SETBP1: variants seen among roughly 807,000 people sequenced by gnomAD.
The protein encoded by SETBP1 is SET-binding protein.
Under a neutral mutation model 101.0 loss-of-function variants are expected in SETBP1, and 9 were observed. The ratio of observed to expected loss-of-function variants is 0.09; its 90% confidence interval spans 0.05 to 0.16. The LOEUF (loss-of-function observed/expected upper bound fraction) is 0.16, where lower values mean the gene tolerates loss of function less well. Ranked by LOEUF, SETBP1 falls within the 10% of genes least tolerant of loss-of-function variation. The probability of loss-of-function intolerance (pLI) is 1.00; values close to 1 mark genes in which losing one functional copy is unlikely to be tolerated. For synonymous variants in SETBP1, 818 were observed against 788.5 expected (o/e 1.04, Z -0.63); for missense variants, 1,858 against 2,033.8 (o/e 0.91, Z 1.66).
At chr18:44,885,867 A>AAAAAAAAAAAAAAAAAAAAAAAAAG (rs2069634945) in intron 3 of SETBP1, among the ~76,000 whole-genome samples, 1 of 138,250 alleles carries the variant, frequency 7.2e-6, no homozygotes, top group African/African-American at 2.7e-5. Context: ...CAAAAAAAAA[A>AAAAAAAAAAAAAAAAAAAAAAAAAG]ACAAGGTGAC....
intron 3 of SETBP1, among the ~76,000 whole-genome samples, chr18:44,918,845 C>T (rs963723536): frequency 1.3e-5 from 2 of 152,202 alleles, no homozygotes; most frequent in African/African-American, 2.4e-5. Flanking sequence ...CTGGGATGGA[C>T]CCCACAAATG....
At chr18:44,959,480 T>G (rs998553992) in intron 4 of SETBP1, among the ~76,000 whole-genome samples, 9 of 152,224 alleles carry the variant, frequency 5.9e-5, no homozygotes, top group African/African-American at 2.2e-4. Context: ...ATGCCTAGTA[T>G]GTATAAGGCT....
chr18:44,841,523 T>C (rs1003248418), intron 2 of SETBP1, among the ~76,000 whole-genome samples: 4 of 152,206 alleles, frequency 2.6e-5, no homozygotes, highest in African/African-American at 9.6e-5. Context: ...AAAGAATTTG[T>C]GGACTTATTT....
intron 2 of SETBP1, among the ~76,000 whole-genome samples, chr18:44,803,210 A>C (rs2071645266): frequency 6.6e-6 from 1 of 152,146 alleles, no homozygotes; most frequent in African/African-American, 2.4e-5. Flanking sequence ...CAGGCCATTA[A>C]ACTATGTTAA....
At chr18:44,804,108 G>GA (rs933071326) in intron 2 of SETBP1, among the ~76,000 whole-genome samples, 4 of 151,770 alleles carry the variant, frequency 2.6e-5, no homozygotes, top group Admixed American at 2.0e-4. Context: ...ACATGATTTT[G>GA]AAAAAAGAGA....
rs74540261 is a variant in SETBP1, at chr18:44,774,722, C to T, written c.486+72890C>T. On this transcript the variant is annotated intron_variant, in intron 2 of 5. Transcript: ENST00000649279. ...CTGGAAAATATTCTTCAACCTCAGC[C>T]CGAAAATAGTTATACAGTCTGGAAG... 2.9e-3 allele frequency among the ~76,000 whole-genome samples: 434 copies of T among 152,178 alleles called. 2 individuals carry two copies. Among genetic ancestry groups the T allele is most frequent in the African/African-American group, 9.9e-3 (411 of 41,520 alleles).
chr18:44,702,290 G>A (rs1221140885), intron 2 of SETBP1, among the ~76,000 whole-genome samples: 3 of 152,114 alleles, frequency 2.0e-5, no homozygotes, highest in Admixed American at 2.0e-4. Context: ...GGTGGCAGAG[G>A]CAGAAGAAAA....
At chr18:44,785,992 C>T (rs1363526195) in intron 2 of SETBP1, among the ~76,000 whole-genome samples, 1 of 152,142 alleles carries the variant, frequency 6.6e-6, no homozygotes, top group African/African-American at 2.4e-5. Context: ...TGCTGTTCCC[C>T]TCTGTTTTTA....
Position 44,950,846 on chromosome 18 carries a change from G to A in SETBP1, c.1506G>A (p.Met502Ile). The A allele has an allele frequency of 6.2e-7, 1 of 1,614,134 alleles. No homozygotes were observed. Among genetic ancestry groups the A allele is most frequent in the Non-Finnish European group, 8.5e-7 (1 of 1,180,018 alleles). The change falls in exon 4 of 6, where the codon ATG becomes ATA. Residue 502 changes from methionine (M) to isoleucine (I), a missense_variant. This residue lies in a region of SETBP1 where 581 missense variants were observed against 535.1 expected (regional missense o/e 1.09). Transcript: ENST00000649279. ...TGTCTAAGCCGCGGAAGCCACCCATGGTCATGACACCTCCAACGTGCACAG... is the reference window on the plus strand; with the variant it reads ...TGTCTAAGCCGCGGAAGCCACCCATAGTCATGACACCTCCAACGTGCACAG... ...GGVSKPRKPP[M>I]VMTPPTCTDH...
chr18:44,953,615 A>G lies in SETBP1; in HGVS notation c.4000+275A>G, dbSNP rs144294279. Among the ~76,000 whole-genome samples, 14 of 152,306 alleles carry G rather than the reference A, an allele frequency of 9.2e-5. No individual in the cohort carries two copies. The East Asian group carries it at 2.7e-3, about 29-fold the overall frequency. ...GGCTGCAGTCGTGCCCACTATGGTT[A>G]TGCTTTTTATTAAAGATGCTGTTCT... On this transcript the variant is annotated intron_variant, in intron 4 of 5. Transcript: ENST00000649279.
At chr18:44,996,397 G>C (rs2072499417) in intron 4 of SETBP1, among the ~76,000 whole-genome samples, 2 of 152,234 alleles carry the variant, frequency 1.3e-5, no homozygotes, top group Non-Finnish European at 2.9e-5. Context: ...CATCTGGGCA[G>C]AGCCAGCTTT....
At position 44,741,526 on chromosome 18, in the gene SETBP1, T is replaced by C. The variant is rs57782569; in HGVS notation, c.486+39694T>C. On this transcript the variant is annotated intron_variant, in intron 2 of 5. Transcript: ENST00000649279. ...GATGCTGAAGATCTATTTTTTACCATCATCTTTCTTACTGTTATTATTTAT... is the reference window on the plus strand; with the variant it reads ...GATGCTGAAGATCTATTTTTTACCACCATCTTTCTTACTGTTATTATTTAT... Among the ~76,000 whole-genome samples the C allele has an allele frequency of 5.0e-3, 754 of 152,240 alleles. 8 individuals are homozygous for C. The highest frequency in any genetic ancestry group is 0.017 in the African/African-American group (718 of 41,508).
At chr18:44,949,273 CT>C (rs758690265) in intron 3 of SETBP1, among the ~76,000 whole-genome samples, 30 of 152,302 alleles carry the variant, frequency 2.0e-4, no homozygotes, top group Middle Eastern at 6.8e-3. Context: ...GCTGTTTTTA[CT>C]GGTTACAGTG....
chr18:44,929,837 T>C (rs1220581585), intron 3 of SETBP1, among the ~76,000 whole-genome samples: 1 of 152,232 alleles, frequency 6.6e-6, no homozygotes, highest in African/African-American at 2.4e-5. Context: ...GATTTTGGGC[T>C]GAGATGATGG....
At chr18:44,720,899 CA>C (rs1324481718) in intron 2 of SETBP1, among the ~76,000 whole-genome samples, 4 of 116,758 alleles carry the variant, frequency 3.4e-5, no homozygotes, top group Admixed American at 8.4e-5. Flanking sequence ...TGGAGCCCTC[CA>C]ACCCCCACCC....
intron 2 of SETBP1, among the ~76,000 whole-genome samples, chr18:44,735,754 C>T (rs879289288): frequency 5.9e-5 from 9 of 152,180 alleles, no homozygotes; most frequent in Non-Finnish European, 1.2e-4. Context: ...CCTACGCCTA[C>T]TAGTAGTCCA....
chr18:44,931,429 G>C (rs956583793), intron 3 of SETBP1, among the ~76,000 whole-genome samples: 2 of 152,158 alleles, frequency 1.3e-5, no homozygotes, highest in Non-Finnish European at 2.9e-5. Flanking sequence ...ATTTGGGGTG[G>C]AGACTTCTGT....
intron 2 of SETBP1, among the ~76,000 whole-genome samples, chr18:44,825,692 T>C (rs563268857): frequency 7.2e-5 from 11 of 152,248 alleles, no homozygotes; most frequent in Non-Finnish European, 1.0e-4. Context: ...AGTAGTTTTA[T>C]GGATGATGCA....
At chr18:44,845,063 G>A (rs1289032292) in intron 2 of SETBP1, among the ~76,000 whole-genome samples, 1 of 152,198 alleles carries the variant, frequency 6.6e-6, no homozygotes, top group Non-Finnish European at 1.5e-5. Context: ...TGACACAAAA[G>A]AGTGATATGT....
Sources: allele counts gnomAD v4.1 joint callset (sites outside exome capture counted in the v4.1 genomes callset), GRCh38; gene constraint gnomAD v4.1.1; regional missense constraint gnomAD v4.1.1; transcripts MANE v1.5; gene names NCBI Gene and HGNC (gene_info 2026-07-23, HGNC 2026-07-21).